Variants in MEI4 observed in about 807,000 individuals in gnomAD.
MEI4 encodes meiotic double-stranded break formation protein 4.
MEI4 carries 27 observed loss-of-function variants against 31.4 expected under a neutral mutation model. The ratio of observed to expected loss-of-function variants is 0.86; its 90% CI spans 0.63 to 1.19. The LOEUF is 1.19. Among genes scored for constraint, MEI4 ranks in the 50% most tolerant of loss-of-function variants. The pLI is 0.00. For missense variants in MEI4, 329 were observed against 398.9 expected, an observed-to-expected ratio of 0.82 and a Z score of 1.49; for synonymous variants, 122 against 145.4, an observed-to-expected ratio of 0.84 and a Z score of 1.16.
intron 4 of MEI4, among the ~76,000 whole-genome samples, chr6:77,885,431 A>G (rs1177856975): frequency 2.0e-5 from 3 of 152,120 alleles, no homozygotes; most frequent in Non-Finnish European, 2.9e-5. Flanking sequence ...GGCTCAAGCA[A>G]TCCACTCACG....
chr6:77,818,496 G>A lies in MEI4; in HGVS notation c.769-10435G>A, dbSNP rs541198656. Among the ~76,000 whole-genome samples the A allele has an allele frequency of 1.8e-4, 28 of 152,048 alleles. 2 individuals carry two copies. The East Asian group carries it at 3.3e-3, about 18-fold the overall frequency. On this transcript the variant is annotated intron_variant, in intron 3 of 4. Coordinates refer to ENST00000684080, the MANE Select transcript of MEI4 (RefSeq NM_001322247.2). ...TGATTTTCACAATCTTGCTTCTCTGGAAACTTTAAAAGTTTCTTTTCCTGG... is the reference window on the plus strand; with the variant it reads ...TGATTTTCACAATCTTGCTTCTCTGAAAACTTTAAAAGTTTCTTTTCCTGG...
At chr6:77,759,612 C>G (rs974696323) in intron 2 of MEI4, among the ~76,000 whole-genome samples, 1 of 152,194 alleles carries the variant, frequency 6.6e-6, no homozygotes, top group African/African-American at 2.4e-5. Context: ...CCATGGAATG[C>G]ATGTATTCAT....
chr6:77,873,581 T>C (rs1771253249), intron 4 of MEI4, among the ~76,000 whole-genome samples: 2 of 152,216 alleles, frequency 1.3e-5, no homozygotes, highest in Non-Finnish European at 2.9e-5. Flanking sequence ...GGTAGTTTCT[T>C]TTGCTGTGCA....
intron 2 of MEI4, among the ~76,000 whole-genome samples, chr6:77,701,240 T>C (rs1377321246): frequency 1.3e-5 from 2 of 152,178 alleles, no homozygotes; most frequent in African/African-American, 4.8e-5. Flanking sequence ...AAGGATTTAG[T>C]CTAGGTCTGA....
intron 4 of MEI4, among the ~76,000 whole-genome samples, chr6:77,876,099 G>A (rs1017848236): frequency 6.6e-6 from 1 of 152,052 alleles, no homozygotes; most frequent in Admixed American, 6.6e-5. Flanking sequence ...CATGACCCAG[G>A]TCAGCTTCAC....
At chr6:77,746,351 G>A (rs576793197) in intron 2 of MEI4, among the ~76,000 whole-genome samples, 1 of 152,156 alleles carries the variant, frequency 6.6e-6, no homozygotes, top group African/African-American at 2.4e-5. Flanking sequence ...CGAAATGTAG[G>A]TTGGCCTCAT....
chr6:77,803,559 A>C (rs1055317577), intron 3 of MEI4, among the ~76,000 whole-genome samples: 8 of 151,974 alleles, frequency 5.3e-5, no homozygotes, highest in Admixed American at 3.3e-4. Flanking sequence ...TGATTTTTGG[A>C]GTTTCCAGTT....
intron 2 of MEI4, among the ~76,000 whole-genome samples, chr6:77,727,758 T>G (rs1202425381): frequency 6.6e-6 from 1 of 152,180 alleles, no homozygotes; most frequent in African/African-American, 2.4e-5. Context: ...TTAAATGAAA[T>G]CTTGAAACCA....
chr6:77,770,542 C>A (rs1311456449), intron 3 of MEI4, among the ~76,000 whole-genome samples: 1 of 151,772 alleles, frequency 6.6e-6, no homozygotes, highest in Admixed American at 6.6e-5. Flanking sequence ...GCCCAAATAC[C>A]CAAGGCAATT....
chr6:77,907,980 A>G (rs1581969653), intron 4 of MEI4, among the ~76,000 whole-genome samples: 2 of 143,400 alleles, frequency 1.4e-5, no homozygotes, highest in East Asian at 2.0e-4. Flanking sequence ...TCCTTCACGC[A>G]CTTGTTGATG....
intron 2 of MEI4, among the ~76,000 whole-genome samples, chr6:77,733,603 A>G (rs974531939): frequency 2.0e-5 from 3 of 151,874 alleles, no homozygotes; most frequent in Non-Finnish European, 4.4e-5. Context: ...AATTTTTTGA[A>G]GGGTTTTTTG....
At chr6:77,711,953 A>C (rs1435930593) in intron 2 of MEI4, among the ~76,000 whole-genome samples, 1 of 152,198 alleles carries the variant, frequency 6.6e-6, no homozygotes, top group Non-Finnish European at 1.5e-5. Flanking sequence ...TCCTTAAATT[A>C]GTAGTAATAC....
intron 2 of MEI4, among the ~76,000 whole-genome samples, chr6:77,755,885 CA>C (rs1203155498): frequency 2.0e-5 from 3 of 150,012 alleles, no homozygotes; most frequent in Non-Finnish European, 4.4e-5. Context: ...TAATGACAAA[CA>C]GATAGGTGCA....
chr6:77,734,278 C>T (rs1015034159), intron 2 of MEI4, among the ~76,000 whole-genome samples: 48 of 151,560 alleles, frequency 3.2e-4, no homozygotes, highest in African/African-American at 1.2e-3. Flanking sequence ...CTTTGTAGGT[C>T]ACTCAGGGCT....
At chr6:77,792,240 A>T (rs1306896623) in intron 3 of MEI4, among the ~76,000 whole-genome samples, 1 of 152,106 alleles carries the variant, frequency 6.6e-6, no homozygotes, top group Admixed American at 6.5e-5. Context: ...AATTATTGTG[A>T]GGAAGGCTGC....
chr6:77,886,490 GTGCAAGCTCAGCTTAC>G (rs997278688), intron 4 of MEI4, among the ~76,000 whole-genome samples: 1 of 151,826 alleles, frequency 6.6e-6, no homozygotes, highest in African/African-American at 2.4e-5. Context: ...GAGTGCAGTG[GTGCAAGCTCAGCTTAC>G]TGCAACCTCT....
At chr6:77,705,198 G>T (rs934396351) in intron 2 of MEI4, among the ~76,000 whole-genome samples, 3 of 148,330 alleles carry the variant, frequency 2.0e-5, no homozygotes, top group Non-Finnish European at 4.5e-5. Flanking sequence ...TACTGCCTTC[G>T]TTTGTTCTTA....
chr6:77,833,518 T>C (rs2127712612), intron 4 of MEI4, among the ~76,000 whole-genome samples: 1 of 152,340 alleles, frequency 6.6e-6, no homozygotes, highest in African/African-American at 2.4e-5. Flanking sequence ...ATATATGTTA[T>C]CTCTTAATAT....
intron 3 of MEI4, among the ~76,000 whole-genome samples, chr6:77,812,309 A>G (rs1769591415): frequency 6.6e-6 from 1 of 152,142 alleles, no homozygotes; most frequent in South Asian, 2.1e-4. Context: ...AATAAAAAAT[A>G]CAAATAAAGA....
Sources: allele counts gnomAD v4.1 joint callset (sites outside exome capture counted in the v4.1 genomes callset), GRCh38; gene constraint gnomAD v4.1.1; transcripts MANE v1.5; gene names NCBI Gene and HGNC (gene_info 2026-07-23, HGNC 2026-07-21).